Variants in CYP7B1 observed in about 807,000 individuals in gnomAD.
CYP7B1 encodes the protein cytochrome P450 7B1.
Under a neutral mutation model 42.7 loss-of-function variants are expected in CYP7B1, and 29 were observed. The observed-to-expected ratio is 0.68, with a 90% CI of 0.51 to 0.93. The LOEUF is 0.93. Among genes scored for constraint, CYP7B1 ranks in the 40% least tolerant of loss-of-function variants. The pLI, the probability that CYP7B1 is intolerant of heterozygous loss-of-function variation, is 0.00. For synonymous variants in CYP7B1, 235 were observed against 218.2 expected, an observed-to-expected ratio of 1.08 and a Z score of -0.68; for missense variants, 655 against 600.5, an observed-to-expected ratio of 1.09 and a Z score of -0.95.
chr8:64,691,091 T>C (rs912003713), intron 1 of CYP7B1, among the ~76,000 whole-genome samples: 3 of 152,192 alleles, frequency 2.0e-5, no homozygotes, highest in African/African-American at 7.2e-5. Flanking sequence ...AGGGGAGTCC[T>C]ACCAATGGCT....
chr8:64,724,457 A>T (rs368077257), intron 1 of CYP7B1, among the ~76,000 whole-genome samples: 4 of 151,940 alleles, frequency 2.6e-5, no homozygotes, highest in East Asian at 1.9e-4. Context: ...AAAAGAATGA[A>T]TTTTTTTTCC....
chr8:64,684,104 C>A (rs879018025), intron 1 of CYP7B1, among the ~76,000 whole-genome samples: 31 of 152,306 alleles, frequency 2.0e-4, no homozygotes, highest in Admixed American at 4.6e-4. Flanking sequence ...GAAGGTAAAC[C>A]CCATGAGGGC....
chr8:64,615,021 A>G lies in CYP7B1; in HGVS notation c.1057+5T>C. ...TTTTCTTCATAACAGATAAAAATAA[A>G]TTACCTAGGCAGATTAGGCTGTCCA... On this transcript the variant is annotated splice_donor_5th_base_variant and intron_variant, in intron 4 of 5. Coordinates refer to ENST00000310193, the MANE Select transcript of CYP7B1 (RefSeq NM_004820.5). The G allele has an allele frequency of 6.2e-7, 1 of 1,613,410 alleles. No homozygotes were observed. Among genetic ancestry groups the G allele is most frequent in the Non-Finnish European group, 8.5e-7 (1 of 1,179,522 alleles).
intron 1 of CYP7B1, among the ~76,000 whole-genome samples, chr8:64,766,206 A>G (rs1227939814): frequency 6.6e-6 from 1 of 152,204 alleles, no homozygotes; most frequent in African/African-American, 2.4e-5. Context: ...GGACTAAGGA[A>G]AACTAGGAAG....
At chr8:64,739,045 T>A (rs1807532022) in intron 1 of CYP7B1, among the ~76,000 whole-genome samples, 1 of 152,164 alleles carries the variant, frequency 6.6e-6, no homozygotes, top group African/African-American at 2.4e-5. Flanking sequence ...GGAAAGAGTA[T>A]TTGTGAAATA....
chr8:64,648,090 GA>G (rs1805981772), intron 1 of CYP7B1, among the ~76,000 whole-genome samples: 1 of 152,208 alleles, frequency 6.6e-6, no homozygotes, highest in South Asian at 2.1e-4. Context: ...GCACATGGAA[GA>G]ATAAGAGGAT....
intron 1 of CYP7B1, among the ~76,000 whole-genome samples, chr8:64,741,410 C>T (rs1051135120): frequency 6.6e-6 from 1 of 152,072 alleles, no homozygotes; most frequent in African/African-American, 2.4e-5. Flanking sequence ...ACCTTCACCT[C>T]CCGAATTCAA....
chr8:64,784,184 T>A (rs1037920242), intron 1 of CYP7B1, among the ~76,000 whole-genome samples: 1 of 152,122 alleles, frequency 6.6e-6, no homozygotes, highest in African/African-American at 2.4e-5. Context: ...TAATTTACTG[T>A]GATCACAGAT....
chr8:64,701,935 CTCTT>C (rs1309082478), intron 1 of CYP7B1, among the ~76,000 whole-genome samples: 2 of 152,034 alleles, frequency 1.3e-5, no homozygotes, highest in Non-Finnish European at 2.9e-5. Flanking sequence ...ACCAACCATT[CTCTT>C]TATTTTATAA....
intron 5 of CYP7B1, 31 bp from the exon 6 acceptor site, chr8:64,596,960 T>A: frequency 1.3e-6 from 2 of 1,563,736 alleles, no homozygotes; most frequent in Non-Finnish European, 1.7e-6. Context: ...AAAATTAACA[T>A]TTTATATGAA....
intron 1 of CYP7B1, among the ~76,000 whole-genome samples, chr8:64,671,510 A>T (rs1250207216): frequency 6.6e-6 from 1 of 152,150 alleles, no homozygotes; most frequent in Non-Finnish European, 1.5e-5. Context: ...GCCCTCAATA[A>T]TAAGGGGTGG....
At chr8:64,793,823 C>G (rs1804660594) in intron 1 of CYP7B1, among the ~76,000 whole-genome samples, 1 of 151,528 alleles carries the variant, frequency 6.6e-6, no homozygotes, top group African/African-American at 2.4e-5. Context: ...ATAAGCATAA[C>G]AAAGAAAAGA....
At position 64,596,538 on chromosome 8, in the gene CYP7B1, T is replaced by G; in HGVS notation, c.*104A>C. 1 of 1,231,510 alleles carries G rather than the reference T, an allele frequency of 8.1e-7. No homozygotes were observed. The highest frequency in any genetic ancestry group is 1.4e-5 in the South Asian group (1 of 71,310). The allele number at this position is 1,231,510 out of a possible 1,614,324, so 76.3% of individuals were successfully genotyped here. The stretch of plus-strand genomic sequence containing the variant: ...AGATCAAATAGAAATTAGCGCTTTT[T>G]AAACAAATAAATCAATTACATTTGC... On this transcript the variant is annotated 3_prime_UTR_variant, in exon 6 of 6. Coordinates refer to ENST00000310193, the MANE Select transcript of CYP7B1 (RefSeq NM_004820.5).
At chr8:64,648,628 T>C (rs1040518324) in intron 1 of CYP7B1, among the ~76,000 whole-genome samples, 1 of 152,214 alleles carries the variant, frequency 6.6e-6, no homozygotes, top group African/African-American at 2.4e-5. Flanking sequence ...AATTAATTCA[T>C]TCTGTTTTGC....
rs559514070 is a variant in CYP7B1, at chr8:64,736,798, C to G, written c.122+61668G>C. Among the ~76,000 whole-genome samples the G allele has an allele frequency of 2.2e-4, 34 of 152,102 alleles. 1 individual carries two copies. The South Asian group carries it at 7.1e-3, about 32-fold the overall frequency. The stretch of plus-strand genomic sequence containing the variant: ...GTTTCAAAAATTTTATTTTCTTGCT[C>G]TCTTTTAGTTACTTTTCATTTTACC... On this transcript the variant is annotated intron_variant, in intron 1 of 5. Coordinates refer to ENST00000310193, the MANE Select transcript of CYP7B1 (RefSeq NM_004820.5).
chr8:64,629,424 G>T (rs1345860232), intron 1 of CYP7B1, among the ~76,000 whole-genome samples: 1 of 152,082 alleles, frequency 6.6e-6, no homozygotes, highest in Non-Finnish European at 1.5e-5. Context: ...TTTATTAAAA[G>T]TGCTTAAAGA....
At chr8:64,795,335 T>C (rs1804688190) in intron 1 of CYP7B1, among the ~76,000 whole-genome samples, 1 of 152,240 alleles carries the variant, frequency 6.6e-6, no homozygotes, top group Non-Finnish European at 1.5e-5. Flanking sequence ...TTCCTCTTTC[T>C]CCGCCAGGCT....
chr8:64,778,943 T>A (rs1335917033), intron 1 of CYP7B1, among the ~76,000 whole-genome samples: 1 of 152,140 alleles, frequency 6.6e-6, no homozygotes, highest in Non-Finnish European at 1.5e-5. Flanking sequence ...GACCGTCAAG[T>A]GTGGCTTTCA....
chr8:64,757,220 A>G (rs1364502650), intron 1 of CYP7B1, among the ~76,000 whole-genome samples: 1 of 152,222 alleles, frequency 6.6e-6, no homozygotes, highest in African/African-American at 2.4e-5. Flanking sequence ...GTAGTCTCAG[A>G]CAATTCAGTT....
Sources: gnomAD v4.1 joint callset for allele counts (sites outside exome capture counted in the v4.1 genomes callset) on GRCh38, gnomAD v4.1.1 for gene constraint, MANE v1.5 for transcripts, NCBI Gene and HGNC (gene_info 2026-07-23, HGNC 2026-07-21) for gene names.